The following FLI1 variants were observed in gnomAD, a reference collection of about 807,000 sequenced individuals.
FLI1 encodes the protein Fli-1 proto-oncogene, ETS transcription factor.
In FLI1, 13 loss-of-function variants were observed where a neutral mutation model predicts 53.1. The observed-to-expected ratio is 0.24, with a 90% confidence interval of 0.16 to 0.39. FLI1 has a LOEUF of 0.39. FLI1 is among the 10% of genes least tolerant of loss of function. FLI1 has a pLI of 1.00. For missense variants in FLI1, 424 were observed against 600.5 expected (o/e 0.71, Z 3.07); for synonymous variants, 244 against 236.7 (o/e 1.03, Z -0.28).
rs1418517541 is a variant in FLI1 at position 128,694,317 on chromosome 11, C to G, written c.18+41C>G. ...ACGGACGCGGGCGGCGGGGACCGGC[C>G]GGGGAGGCGAAGCGGCGGGCGGGTA... On this transcript the variant is annotated intron_variant, in intron 1 of 8. Transcript: ENST00000527786. The G allele has an allele frequency of 5.3e-6, 7 of 1,311,058 alleles. 1 individual carries two copies. In the South Asian group the frequency reaches 1.7e-4, roughly 32 times the overall value. The allele number at this position is 1,311,058 out of a possible 1,614,324, so 81.2% of individuals were successfully genotyped here. A position where few individuals can be genotyped will look rare whatever the true frequency, so the allele number is the denominator to read the frequency against.
chr11:128,764,158 A>G (rs1027471353), intron 2 of FLI1, among the ~76,000 whole-genome samples: 1 of 152,248 alleles, frequency 6.6e-6, no homozygotes, highest in African/African-American at 2.4e-5. Context: ...AAGGTAGAGA[A>G]GATCTTTGTA....
At chr11:128,760,019 C>G (rs1235744560) in intron 2 of FLI1, among the ~76,000 whole-genome samples, 1 of 152,178 alleles carries the variant, frequency 6.6e-6, no homozygotes, top group African/African-American at 2.4e-5. Flanking sequence ...AAACCAGTGA[C>G]TGGGATCTCA....
At chr11:128,796,872 G>T (rs1942459991) in intron 5 of FLI1, among the ~76,000 whole-genome samples, 1 of 152,242 alleles carries the variant, frequency 6.6e-6, no homozygotes, top group Non-Finnish European at 1.5e-5. Context: ...CTACTCAGGA[G>T]GCTGAGGCAG....
At chr11:128,794,200 A>T (rs56275778) in intron 5 of FLI1, among the ~76,000 whole-genome samples, 1 of 152,090 alleles carries the variant, frequency 6.6e-6, no homozygotes, top group Non-Finnish European at 1.5e-5. Flanking sequence ...TGCTTGGTTC[A>T]CAATAGAAGT....
At chr11:128,758,440 C>G (rs1940983185) in intron 2 of FLI1, 114 bp downstream of exon 2, 2 of 826,260 alleles carry the variant, frequency 2.4e-6, no homozygotes, top group Non-Finnish European at 3.9e-6. Flanking sequence ...AGAGCTGGGC[C>G]AGGAAGCCTG....
intron 5 of FLI1, among the ~76,000 whole-genome samples, chr11:128,799,901 G>C (rs891944708): frequency 1.3e-5 from 2 of 152,168 alleles, no homozygotes; most frequent in African/African-American, 4.8e-5. Context: ...CAGGACCTCT[G>C]ATGGAGATGG....
intron 1 of FLI1, among the ~76,000 whole-genome samples, chr11:128,715,326 A>C (rs1290767456): frequency 2.0e-5 from 3 of 152,236 alleles, no homozygotes; most frequent in African/African-American, 7.2e-5. Flanking sequence ...GTGTTCCCAC[A>C]TGCCTCCACC....
At chr11:128,738,032 G>A (rs1939979546) in intron 1 of FLI1, among the ~76,000 whole-genome samples, 1 of 152,174 alleles carries the variant, frequency 6.6e-6, no homozygotes, top group South Asian at 2.1e-4. Flanking sequence ...ACCATTGTTT[G>A]AGCCTTAACA....
In FLI1 at chr11:128,744,047, G is replaced by A. The variant is rs116824832; in HGVS notation, c.19-14068G>A. Among the ~76,000 whole-genome samples the A allele has an allele frequency of 3.2e-3, 485 of 152,280 alleles. 4 individuals carry two copies. Among genetic ancestry groups the A allele is most frequent in the African/African-American group, 0.01 (431 of 41,562 alleles). ...AGTCTGAGCTCTGTGATGAGAGGAT[G>A]CTTGGCTCCTCGTGTAGAGACCAGG... On this transcript the variant is annotated intron_variant, in intron 1 of 8. Coordinates refer to ENST00000527786, the MANE Select transcript of FLI1 (RefSeq NM_002017.5).
intron 5 of FLI1, among the ~76,000 whole-genome samples, chr11:128,798,825 G>A (rs1002757933): frequency 6.6e-6 from 1 of 152,124 alleles, no homozygotes; most frequent in Non-Finnish European, 1.5e-5. Flanking sequence ...TGAGCTTCAA[G>A]GCCAGGTGGC....
intron 5 of FLI1, among the ~76,000 whole-genome samples, chr11:128,783,422 T>C (rs969649693): frequency 1.3e-5 from 2 of 152,246 alleles, no homozygotes; most frequent in Non-Finnish European, 2.9e-5. Context: ...TAAACATTTG[T>C]GTTTTTCATT....
chr11:128,685,191 A>C (rs1865779637), upstream of FLI1, among the ~76,000 whole-genome samples: 1 of 152,234 alleles, frequency 6.6e-6, no homozygotes, highest in Admixed American at 6.5e-5. Flanking sequence ...GCCTGAGCTG[A>C]GGCTGCTTGT....
chr11:128,786,401 A>G (rs1565499667), intron 5 of FLI1, among the ~76,000 whole-genome samples: 2 of 152,238 alleles, frequency 1.3e-5, no homozygotes, highest in Non-Finnish European at 2.9e-5. Flanking sequence ...TTATTGATGC[A>G]TGATGTTACT....
intron 2 of FLI1, among the ~76,000 whole-genome samples, chr11:128,762,555 T>A (rs911799925): frequency 1.3e-5 from 2 of 152,250 alleles, no homozygotes; most frequent in African/African-American, 4.8e-5. Flanking sequence ...GCTGAAATGA[T>A]CTTCTTTTGG....
chr11:128,781,286 C>T (rs930931633), intron 4 of FLI1, among the ~76,000 whole-genome samples: 5 of 152,194 alleles, frequency 3.3e-5, no homozygotes, highest in Admixed American at 2.0e-4. Context: ...GTACCTTACC[C>T]TCACCTGTGA....
At chr11:128,733,528 A>G (rs897908441) in intron 1 of FLI1, among the ~76,000 whole-genome samples, 6 of 152,206 alleles carry the variant, frequency 3.9e-5, no homozygotes, top group Admixed American at 3.9e-4. Context: ...AGTGGGCCAG[A>G]GTAGATAAAA....
At chr11:128,783,771 C>T (rs2135868244) in intron 5 of FLI1, among the ~76,000 whole-genome samples, 1 of 152,262 alleles carries the variant, frequency 6.6e-6, no homozygotes, top group Non-Finnish European at 1.5e-5. Flanking sequence ...GAGATCTTGG[C>T]CTCTAAGGAG....
At chr11:128,764,618 C>A (rs894185621) in intron 2 of FLI1, 23 of 1,527,526 alleles carry the variant, frequency 1.5e-5, no homozygotes, top group African/African-American at 1.2e-4. Context: ...CGCACTCCCC[C>A]TCCCTCTTGT....
At chr11:128,689,932 G>A (rs1027026260), upstream of FLI1, among the ~76,000 whole-genome samples, 1 of 151,948 alleles carries the variant, frequency 6.6e-6, no homozygotes, top group Non-Finnish European at 1.5e-5. Context: ...AAGAACCAGC[G>A]TGGGGAGCGG....
Sources: gnomAD v4.1 joint callset for allele counts (sites outside exome capture counted in the v4.1 genomes callset) on GRCh38, gnomAD v4.1.1 for gene constraint, MANE v1.5 for transcripts, NCBI Gene and HGNC (gene_info 2026-07-23, HGNC 2026-07-21) for gene names.